Variants in ASAP3 observed in about 807,000 individuals in gnomAD.
The protein encoded by ASAP3 is arf-GAP with SH3 domain, ANK repeat and PH domain-containing protein 3.
A neutral mutation model predicts 118.2 loss-of-function variants in ASAP3; 85 were observed. The ratio of observed to expected loss-of-function variants is 0.72; its 90% CI spans 0.60 to 0.86. The LOEUF (loss-of-function observed/expected upper bound fraction) is 0.86. Among genes scored for constraint, ASAP3 ranks in the 40% least tolerant of loss-of-function variants. The probability of loss-of-function intolerance (pLI) is 0.00; values close to 1 mark genes in which losing one functional copy is unlikely to be tolerated. For missense variants in ASAP3, 1,026 were observed against 1,175.0 expected (o/e 0.87, Z 1.85); for synonymous variants, 432 against 477.4 (o/e 0.90, Z 1.24).
chr1:23,459,583 A>G (rs138726348), intron 1 of ASAP3, among the ~76,000 whole-genome samples: 129 of 152,328 alleles, frequency 8.5e-4, no homozygotes, highest in African/African-American at 3.0e-3. Flanking sequence ...CTGAAATGCT[A>G]AAGCTGGGAT....
In ASAP3 at chr1:23,456,025, G is replaced by A. The variant is rs762818181; in HGVS notation, c.204C>T (p.Gly68=). Residue 68 remains glycine, a splice_region_variant and synonymous_variant, in exon 3 of 25, where the codon GGC becomes GGT. Transcript: ENST00000336689. ...GGTACTGCTCTTCATTCTCCACATG[G>A]CCTGTGGAGGTACAGACGGGAGCTT... ...AVRAIHSSGL[G]HVENEEQYRE... is the part of the protein sequence containing the mutation. 2.5e-6 allele frequency: 4 copies of A among 1,614,122 alleles called. No individual in the cohort carries two copies. The South Asian group carries it at 4.4e-5, about 18-fold the overall frequency.
chr1:23,482,253 G>A (rs1036909539), intron 1 of ASAP3, among the ~76,000 whole-genome samples: 12 of 152,314 alleles, frequency 7.9e-5, no homozygotes, highest in African/African-American at 2.4e-4. Context: ...CCAGTGCAGC[G>A]GCTCACACCT....
chr1:23,432,047 C>G, intron 22 of ASAP3, 129 bp from the exon 23 acceptor site: 1 of 827,612 alleles, frequency 1.2e-6, no homozygotes, highest in South Asian at 1.8e-5. Flanking sequence ...CACTCTGTCA[C>G]CCAGGCTGGA....
rs757151563 is a variant in ASAP3 at position 23,437,341 on chromosome 1, G to A, written c.1152-21C>T. On this transcript the variant is annotated intron_variant, in intron 13 of 24. Coordinates refer to ENST00000336689, the MANE Select transcript of ASAP3 (RefSeq NM_017707.4). The surrounding 1 kb of genome is among the most constrained non-coding windows in gnomAD (Gnocchi z 6.1). ...CCCACCTGCGGAGATTGAACGGGGT[G>A]GGATGGGGATGTCAAGTGGGAAGAG... The A allele has an allele frequency of 6.2e-7, 1 of 1,608,888 alleles. No homozygotes were observed. The highest frequency in any genetic ancestry group is 1.3e-5 in the African/African-American group (1 of 74,830).
intron 1 of ASAP3, among the ~76,000 whole-genome samples, chr1:23,467,715 G>A (rs1641819998): frequency 6.6e-6 from 1 of 151,992 alleles, no homozygotes; most frequent in South Asian, 2.1e-4. Context: ...ACTTTGGGAG[G>A]CAGAGGGAGG....
rs532490951 is a variant in ASAP3 at position 23,437,826 on chromosome 1, C to T, written c.1103-354G>A. 1.3e-5 allele frequency among the ~76,000 whole-genome samples: 2 copies of T among 152,138 alleles called. No homozygotes were observed. The highest frequency in any genetic ancestry group is 1.9e-4 in the East Asian group (1 of 5,162). Reference sequence around the variant, plus strand: ...GGGCCCTTCCTGGTCTCCTCCTGGGCGACCAGGCCTCCTGTCTGGTCTCCC... The same window carrying T: ...GGGCCCTTCCTGGTCTCCTCCTGGGTGACCAGGCCTCCTGTCTGGTCTCCC... On this transcript the variant is annotated intron_variant, in intron 12 of 24. Coordinates refer to ENST00000336689, the MANE Select transcript of ASAP3 (RefSeq NM_017707.4). This position sits in a 1 kb window ranked among gnomAD's most constrained non-coding sequence, Gnocchi z 6.1.
In ASAP3 at chr1:23,455,562, G is replaced by A. The variant is rs186050092; in HGVS notation, c.348+319C>T. Among the ~76,000 whole-genome samples, 71 of 152,280 alleles carry A rather than the reference G, an allele frequency of 4.7e-4. No homozygotes were observed. In the East Asian group the frequency reaches 0.012, roughly 26 times the overall value. On this transcript the variant is annotated intron_variant, in intron 3 of 24. Coordinates refer to ENST00000336689, the MANE Select transcript of ASAP3 (RefSeq NM_017707.4). ...TAGTGGTATAAAGGTAGGAACCCCC[G>A]AGCCTGTCTCTCCTTTATCCCAAAG...
At chr1:23,441,851 G>A (rs932661483) in intron 7 of ASAP3, 121 bp from the exon 8 acceptor site, 9 of 1,026,588 alleles carry the variant, frequency 8.8e-6, no homozygotes, top group African/African-American at 3.2e-5. Context: ...GTAGTCTGAC[G>A]GTCAAGAACA....
In ASAP3 at chr1:23,434,254, C is replaced by T; in HGVS notation, c.1951G>A (p.Val651Ile). ...GACGGAGGAGGTATTCAAGCCCCAC[C>T]TGTGCCAACCAAAGCTCTCCCCTTC... ...LLKGRALVGTVNEAGETALDI... is the reference protein window; with the variant it reads ...LLKGRALVGTINEAGETALDI... The change falls in exon 19 of 25, where the codon GTA becomes ATA. Residue 651 changes from valine to isoleucine, a missense_variant and splice_region_variant. Val to Ile is a conservative substitution (Grantham distance 29). Coordinates refer to ENST00000336689, the MANE Select transcript of ASAP3 (RefSeq NM_017707.4). 1 of 1,614,070 alleles carries T rather than the reference C, an allele frequency of 6.2e-7. No homozygotes were observed. Among genetic ancestry groups the T allele is most frequent in the Non-Finnish European group, 8.5e-7 (1 of 1,179,968 alleles).
At chr1:23,452,890 G>A (rs1641266822) in intron 3 of ASAP3, 119 bp from the exon 4 acceptor site, 1 of 977,640 alleles carries the variant, frequency 1.0e-6, no homozygotes, top group Non-Finnish European at 1.6e-6. Flanking sequence ...AAGTAGGGGA[G>A]AGGAAAAGAT....
chr1:23,460,399 C>T lies in ASAP3; in HGVS notation c.130-4205G>A, dbSNP rs567170651. 6.0e-5 allele frequency among the ~76,000 whole-genome samples: 9 copies of T among 150,374 alleles called. No homozygotes were observed. The South Asian group carries it at 1.5e-3, about 25-fold the overall frequency. On this transcript the variant is annotated intron_variant, in intron 1 of 24. Transcript: ENST00000336689. ...GCACACCGCTGTAGTCCCAGCTACT[C>T]GGGAGGCTAAGGCAGGAGAATCATT... is the stretch of plus-strand genomic sequence containing the variant.
chr1:23,480,317 T>A (rs1642268508), intron 1 of ASAP3: 1 of 152,242 alleles, frequency 6.6e-6, no homozygotes, highest in South Asian at 2.1e-4. Context: ...ACTAGCAGTT[T>A]GAGGCACACA....
intron 6 of ASAP3, 26 bp from the exon 7 acceptor site, chr1:23,442,297 G>T (rs72661462): frequency 0.022 from 34,865 of 1,590,858 alleles, 463 homozygotes; most frequent in Non-Finnish European, 0.027. Context: ...GGCAAGATAC[G>T]TGATGTGAGC....
Position 23,436,534 on chromosome 1 carries a change from GC to G in ASAP3, c.1571+25del. ...GGAGGCAGAATCCCCTAGGCAGGGT[GC>G]CCCTCTCTCTGAGAATCCCCTTACA... On this transcript the variant is annotated intron_variant, in intron 16 of 24. Transcript: ENST00000336689. This position sits in a 1 kb window ranked among gnomAD's most constrained non-coding sequence, Gnocchi z 4.2. The G allele has an allele frequency of 1.9e-6, 3 of 1,609,880 alleles. No homozygotes were observed. The highest frequency in any genetic ancestry group is 2.6e-6 in the Non-Finnish European group (3 of 1,176,186).
chr1:23,481,363 C>T (rs1642301237), intron 1 of ASAP3, among the ~76,000 whole-genome samples: 1 of 152,206 alleles, frequency 6.6e-6, no homozygotes, highest in Non-Finnish European at 1.5e-5. Context: ...AATAGAGCTA[C>T]AAGCCTGGGG....
At chr1:23,433,335 C>G in intron 21 of ASAP3, 63 bp from the exon 22 acceptor site, 1 of 1,609,958 alleles carries the variant, frequency 6.2e-7, no homozygotes, top group Non-Finnish European at 8.5e-7. Context: ...CCTGTCCCCC[C>G]GCCTCACCGC....
chr1:23,480,879 C>T (rs959524825), intron 1 of ASAP3, among the ~76,000 whole-genome samples: 2 of 152,176 alleles, frequency 1.3e-5, no homozygotes, highest in Non-Finnish European at 2.9e-5. Flanking sequence ...TAATATACTC[C>T]CTCACATTTG....
At position 23,436,443 on chromosome 1, in the gene ASAP3, G is replaced by C. The variant is rs1640656898; in HGVS notation, c.1571+117C>G. 3 of 1,140,134 alleles carry C rather than the reference G, an allele frequency of 2.6e-6. No homozygotes were observed. The highest frequency in any genetic ancestry group is 3.8e-6 in the Non-Finnish European group (3 of 785,200). 70.6% of individuals were successfully genotyped at this position (1,140,134 alleles called of 1,614,324 possible). Reference sequence around the variant, plus strand: ...CTCCCAAAGTGCTGGGATTACAGGCGTGAGCCACTGCGCCCAGCCTCCCCA... The same window carrying C: ...CTCCCAAAGTGCTGGGATTACAGGCCTGAGCCACTGCGCCCAGCCTCCCCA... On this transcript the variant is annotated intron_variant, in intron 16 of 24. Transcript: ENST00000336689. The surrounding 1 kb of genome is among the most constrained non-coding windows in gnomAD (Gnocchi z 4.2).
rs369920126 is a variant in ASAP3, at chr1:23,433,176, C to A, written c.2224G>T (p.Ala742Ser). 1.9e-5 allele frequency: 30 copies of A among 1,614,052 alleles called. No individual in the cohort carries two copies. The highest frequency in any genetic ancestry group is 2.5e-5 in the Non-Finnish European group (30 of 1,180,044). ...TCCTCACTCTCGCCCTGAGGGGTGG[C>A]TGCTCCCAGGCTGGCGACAGTCTCA... Reference protein sequence around the residue: ...TYETVASLGAATPQGESEDCP... With the variant: ...TYETVASLGASTPQGESEDCP... The change falls in exon 22 of 25, where the codon GCC becomes TCC. Residue 742 changes from alanine to serine, a missense_variant. Transcript: ENST00000336689.
Sources: gnomAD v4.1 joint callset for allele counts (sites outside exome capture counted in the v4.1 genomes callset) on GRCh38, gnomAD v4.1.1 for gene constraint, Gnocchi (gnomAD v3.1) non-coding constraint, MANE v1.5 for transcripts, NCBI Gene and HGNC (gene_info 2026-07-23, HGNC 2026-07-21) for gene names.